IL1RAPL2: variants seen among roughly 807,000 people sequenced by gnomAD.
The protein encoded by IL1RAPL2 is interleukin 1 receptor accessory protein like 2.
IL1RAPL2 carries 3 observed loss-of-function variants against 44.1 expected under a neutral mutation model. The ratio of observed to expected loss-of-function variants is 0.07; its 90% confidence interval spans 0.03 to 0.18. IL1RAPL2 has a LOEUF of 0.18. IL1RAPL2 is among the 10% of genes least tolerant of loss of function. The pLI is 1.00. For missense variants in IL1RAPL2, 391 were observed against 496.4 expected, an observed-to-expected ratio of 0.79 and a Z score of 2.02; for synonymous variants, 181 against 178.8, an observed-to-expected ratio of 1.01 and a Z score of -0.10.
intron 6 of IL1RAPL2, among the ~76,000 whole-genome samples, chrX:105,644,503 C>A (rs1189153776): frequency 9.0e-6 from 1 of 111,608 alleles, no homozygotes; most frequent in African/African-American, 3.3e-5. Flanking sequence ...GAAGTAGGGA[C>A]AAAATGCCCA....
intron 6 of IL1RAPL2, among the ~76,000 whole-genome samples, chrX:105,622,280 AT>A (rs1292614167): frequency 4.8e-5 from 2 of 41,426 alleles, no homozygotes; most frequent in African/African-American, 6.0e-4. Context: ...GTCAATAAAA[AT>A]AATAATAATA....
At chrX:105,242,637 C>T (rs1257043897) in intron 4 of IL1RAPL2, among the ~76,000 whole-genome samples, 1 of 111,347 alleles carries the variant, frequency 9.0e-6, no homozygotes, top group Non-Finnish European at 1.9e-5. Context: ...ATCTCATAAG[C>T]AGAGAGCAAG....
At chrX:105,751,702 C>T in intron 9 of IL1RAPL2, among the ~76,000 whole-genome samples, 1 of 111,393 alleles carries the variant, frequency 9.0e-6, no homozygotes, top group Non-Finnish European at 1.9e-5. Flanking sequence ...TTTTATTTTT[C>T]TGCATAGAAC....
chrX:104,605,343 C>T (rs1238244062), intron 1 of IL1RAPL2, among the ~76,000 whole-genome samples: 1 of 111,806 alleles, frequency 8.9e-6, no homozygotes. Context: ...ATTTATGGCA[C>T]TAAATGTCCA....
At chrX:105,037,436 C>G (rs1258739162) in intron 2 of IL1RAPL2, among the ~76,000 whole-genome samples, 1 of 110,935 alleles carries the variant, frequency 9.0e-6, no homozygotes, top group African/African-American at 3.3e-5. Context: ...GGAGTGTGGA[C>G]TGGATACAAG....
At position 104,838,701 on chromosome X, in the gene IL1RAPL2, C is replaced by T. The variant is rs189842481; in HGVS notation, c.82+179706C>T. On this transcript the variant is annotated intron_variant, in intron 2 of 10. Transcript: ENST00000372582. Reference sequence around the variant, plus strand: ...CAATTTGATTTCCCCTCTTCCTATTCGCATACCCTTTATTTCTTTCTGTTG... The same window carrying T: ...CAATTTGATTTCCCCTCTTCCTATTTGCATACCCTTTATTTCTTTCTGTTG... Among the ~76,000 whole-genome samples the T allele has an allele frequency of 1.4e-3, 153 of 110,504 alleles. 1 individual carries two copies. The highest frequency in any genetic ancestry group is 4.4e-3 in the African/African-American group (134 of 30,519).
At chrX:104,795,660 A>G (rs1489519483) in intron 2 of IL1RAPL2, among the ~76,000 whole-genome samples, 2 of 111,348 alleles carry the variant, frequency 1.8e-5, no homozygotes, top group East Asian at 5.6e-4. Context: ...GTGATGAGGT[A>G]TGTATAAGTT....
intron 2 of IL1RAPL2, among the ~76,000 whole-genome samples, chrX:105,090,897 A>G (rs960099620): frequency 9.0e-6 from 1 of 111,591 alleles, no homozygotes; most frequent in Non-Finnish European, 1.9e-5. Context: ...GGCTCCCTGA[A>G]TGTAAAATTT....
Position 105,568,082 on chromosome X carries a change from G to GGT in IL1RAPL2, c.772+83712_772+83713dup, listed in dbSNP as rs748606371. 6.4e-3 allele frequency among the ~76,000 whole-genome samples: 698 copies of GGT among 109,092 alleles called. 9 individuals are homozygous for GGT. The highest frequency in any genetic ancestry group is 0.02 in the African/African-American group (604 of 30,155). The allele number at this position is 109,092 out of a possible 115,157, so 94.7% of individuals were successfully genotyped here. The stretch of plus-strand genomic sequence containing the variant: ...TCAAAACTCTATGTGTGTGCATGCA[G>GGT]GTGTGTGTGTGTGTGTGTAAGACAG... On this transcript the variant is annotated intron_variant, in intron 6 of 10. Coordinates refer to ENST00000372582, the MANE Select transcript of IL1RAPL2 (RefSeq NM_017416.2).
rs1355963419 is a variant in IL1RAPL2 at position 105,089,526 on chromosome X, C to T, written c.83-105949C>T. On this transcript the variant is annotated intron_variant, in intron 2 of 10. Coordinates refer to ENST00000372582, the MANE Select transcript of IL1RAPL2 (RefSeq NM_017416.2). ...TAAAAAAGCCTGCACTCCCCTTCCC[C>T]ACCTCATTTTCCATCCCCTACTCCG... is the stretch of plus-strand genomic sequence containing the variant. Among the ~76,000 whole-genome samples the T allele has an allele frequency of 3.6e-5, 4 of 110,860 alleles. No individual in the cohort carries two copies. In the East Asian group the frequency reaches 1.1e-3, roughly 31 times the overall value.
chrX:105,243,555 ATATATATGTGTG>A (rs1477848539), intron 4 of IL1RAPL2, among the ~76,000 whole-genome samples: 3 of 89,650 alleles, frequency 3.3e-5, no homozygotes, highest in African/African-American at 1.9e-4. Flanking sequence ...GTGTATATAT[ATATATATGTGTG>A]TATATATATA....
chrX:105,332,383 A>G (rs1044455717), intron 5 of IL1RAPL2, among the ~76,000 whole-genome samples: 7 of 110,014 alleles, frequency 6.4e-5, no homozygotes, highest in African/African-American at 2.0e-4. Flanking sequence ...TCTTTTGCCT[A>G]TCTTGCTGTT....
chrX:104,649,115 C>T (rs1339773872), intron 1 of IL1RAPL2, among the ~76,000 whole-genome samples: 1 of 110,513 alleles, frequency 9.0e-6, no homozygotes, highest in Non-Finnish European at 1.9e-5. Context: ...TTTTCCCTCC[C>T]TTTCTGTGTC....
chrX:104,777,657 A>G (rs1027804740), intron 2 of IL1RAPL2, among the ~76,000 whole-genome samples: 1 of 107,631 alleles, frequency 9.3e-6, no homozygotes, highest in African/African-American at 3.4e-5. Context: ...CCTCACTGCA[A>G]CCTCGGCCTC....
chrX:104,648,374 T>G (rs1930087289), intron 1 of IL1RAPL2, among the ~76,000 whole-genome samples: 1 of 112,592 alleles, frequency 8.9e-6, no homozygotes, highest in African/African-American at 3.2e-5. Context: ...TCATTTGGAT[T>G]GCTGTAGTAT....
At chrX:105,041,174 G>T (rs1401783076) in intron 2 of IL1RAPL2, among the ~76,000 whole-genome samples, 8 of 110,429 alleles carry the variant, frequency 7.2e-5, no homozygotes, top group African/African-American at 1.7e-4. Flanking sequence ...TCAGTTTCCA[G>T]GTAGTTGAGC....
At chrX:104,974,748 G>C (rs1386285656) in intron 2 of IL1RAPL2, among the ~76,000 whole-genome samples, 1 of 112,443 alleles carries the variant, frequency 8.9e-6, no homozygotes, top group Non-Finnish European at 1.9e-5. Context: ...GTGGGAAGCT[G>C]TCCATTAGGT....
At chrX:104,628,759 G>T (rs1246348360) in intron 1 of IL1RAPL2, among the ~76,000 whole-genome samples, 1 of 111,858 alleles carries the variant, frequency 8.9e-6, no homozygotes, top group Non-Finnish European at 1.9e-5. Flanking sequence ...CCCACCAAGG[G>T]TATAAGAGTT....
intron 3 of IL1RAPL2, chrX:105,220,116 G>A (rs782482739): frequency 1.2e-5 from 15 of 1,209,779 alleles, no homozygotes; most frequent in Middle Eastern, 2.3e-4. Context: ...TGGCGAAGCC[G>A]TGCAGCCACC....
Sources: allele counts gnomAD v4.1 joint callset (sites outside exome capture counted in the v4.1 genomes callset), GRCh38; gene constraint gnomAD v4.1.1; transcripts MANE v1.5; gene names NCBI Gene and HGNC (gene_info 2026-07-23, HGNC 2026-07-21).